PRCD: variants seen among roughly 807,000 people sequenced by gnomAD.
PRCD encodes the protein photoreceptor disk component PRCD.
A neutral mutation model predicts 10.1 loss-of-function variants in PRCD; 12 were observed. The observed-to-expected ratio is 1.18, with a 90% CI of 0.76 to 1.92. PRCD has a LOEUF of 1.92. PRCD is among the 40% of genes most tolerant of loss of function. The pLI is 0.00. For synonymous variants in PRCD, 31 were observed against 26.2 expected (o/e 1.18, Z -0.56); for missense variants, 61 against 72.2 (o/e 0.84, Z 0.56).
chr17:76,527,643 T>G (rs1394351449), upstream of PRCD: 1 of 453,680 alleles, frequency 2.2e-6, no homozygotes, highest in African/African-American at 2.0e-5. Context: ...CCCTCGGCCC[T>G]CGGAGCTGAG....
rs1321016773 is a variant in PRCD at position 76,530,670 on chromosome 17, C to T, written n.45+2837C>T. Among the ~76,000 whole-genome samples, 5 of 152,160 alleles carry T rather than the reference C, an allele frequency of 3.3e-5. No homozygotes were observed. In the South Asian group the frequency reaches 1.0e-3, roughly 32 times the overall value. ...GGACCTTACCGCCAGGAGCCTCTGG[C>T]GCCTCTCTGCCTGGGCAGCTGTGGC... On this transcript the variant is annotated intron_variant and non_coding_transcript_variant, in intron 1 of 4. Transcript: ENST00000397633. The surrounding 1 kb of genome is among the most constrained non-coding windows in gnomAD (Gnocchi z 6.1).
At chr17:76,529,114 G>T in intron 1 of PRCD, 1 of 970,468 alleles carries the variant, frequency 1.0e-6, no homozygotes, top group Non-Finnish European at 1.2e-6. Context: ...AAACAGTGGC[G>T]CCTGGCCCAC....
At position 76,544,815 on chromosome 17, in the gene PRCD, C is replaced by T; in HGVS notation, c.*1165C>T. On this transcript the variant is annotated 3_prime_UTR_variant, in exon 5 of 5. Coordinates refer to ENST00000592014, the MANE Select transcript of PRCD (RefSeq NM_001077620.3). ...CATTTCCGAGTTGCTCATCTCCTTC[C>T]ACTGGTCTGAGGAATTGTCAGGCCA... is the stretch of plus-strand genomic sequence containing the variant. The T allele has an allele frequency of 2.2e-6, 1 of 456,820 alleles. No individual in the cohort carries two copies. The highest frequency in any genetic ancestry group is 4.4e-6 in the Non-Finnish European group (1 of 226,990). The allele number at this position is 456,820 out of a possible 1,614,324, so 28.3% of individuals were successfully genotyped here.
chr17:76,535,257 C>A (rs2074902507), upstream of PRCD, among the ~76,000 whole-genome samples: 1 of 152,150 alleles, frequency 6.6e-6, no homozygotes, highest in African/African-American at 2.4e-5. Context: ...AGGGTGCTGG[C>A]CTGGCGCAGT....
Position 76,528,571 on chromosome 17 carries a change from A to AG in PRCD, n.45+742dup, listed in dbSNP as rs2074794135. On this transcript the variant is annotated intron_variant and non_coding_transcript_variant, in intron 1 of 4. Coordinates refer to the PRCD transcript ENST00000397633. The surrounding 1 kb of genome is among the most constrained non-coding windows in gnomAD (Gnocchi z 5.8). Reference sequence around the variant, plus strand: ...TGCTGCCAGGGAGGGGGGTGGAGTTAGGGGTCCTACGGCCCCGAAGAGGGC... The same window carrying AG: ...TGCTGCCAGGGAGGGGGGTGGAGTTAGGGGGTCCTACGGCCCCGAAGAGGGC... 8.0e-7 allele frequency: 1 copy of AG among 1,243,908 alleles called. No individual in the cohort carries two copies. The highest frequency in any genetic ancestry group is 3.6e-5 in the East Asian group (1 of 27,664). The allele number at this position is 1,243,908 out of a possible 1,614,324, so 77.1% of individuals were successfully genotyped here. A position where few individuals can be genotyped will look rare whatever the true frequency, so the allele number is the denominator to read the frequency against.
Position 76,541,201 on chromosome 17 carries a change from G to A in PRCD, c.143+628G>A, listed in dbSNP as rs1029812916. Among the ~76,000 whole-genome samples, 52 of 152,290 alleles carry A rather than the reference G, an allele frequency of 3.4e-4. 1 individual carries two copies. Among genetic ancestry groups the A allele is most frequent in the Non-Finnish European group, 2.9e-5 (2 of 68,018 alleles). On this transcript the variant is annotated intron_variant, in intron 2 of 4. Transcript: ENST00000592014. The stretch of plus-strand genomic sequence containing the variant: ...TGACCAGTGTCGTTCGATGATAGGG[G>A]CGCCTATCCCAACCAAACACTGGAA...
chr17:76,531,626 A>G lies in PRCD; in HGVS notation n.45+3793A>G. ...CAGCTGGGGGCTCCGCTCCATCTCCAGGGGATCCTCCATGTGCTTGAACTG... is the reference window on the plus strand; with the variant it reads ...CAGCTGGGGGCTCCGCTCCATCTCCGGGGGATCCTCCATGTGCTTGAACTG... On this transcript the variant is annotated intron_variant and non_coding_transcript_variant, in intron 1 of 4. Coordinates refer to the PRCD transcript ENST00000397633. This position sits in a 1 kb window ranked among gnomAD's most constrained non-coding sequence, Gnocchi z 7.4. 4.3e-6 allele frequency: 7 copies of G among 1,613,028 alleles called. No individual in the cohort carries two copies. Among genetic ancestry groups the G allele is most frequent in the Non-Finnish European group, 5.1e-6 (6 of 1,179,060 alleles).
Position 76,540,244 on chromosome 17 carries a change from G to GGTT in PRCD, c.74+31_74+33dup, listed in dbSNP as rs2143140777. ...AGAAACTGACCGGGCTATGGCTGGC[G>GGTT]GTTGGTCGGGGGGGGGGGGCATGGG... On this transcript the variant is annotated intron_variant, in intron 1 of 4. Coordinates refer to ENST00000592014, the MANE Select transcript of PRCD (RefSeq NM_001077620.3). The surrounding 1 kb of genome is among the most constrained non-coding windows in gnomAD (Gnocchi z 5.0). 1 of 1,437,546 alleles carries GGTT rather than the reference G, an allele frequency of 7.0e-7. No homozygotes were observed. Among genetic ancestry groups the GGTT allele is most frequent in the Non-Finnish European group, 9.5e-7 (1 of 1,056,130 alleles). The allele number at this position is 1,437,546 out of a possible 1,614,324, so 89.0% of individuals were successfully genotyped here. A position where few individuals can be genotyped will look rare whatever the true frequency, so the allele number is the denominator to read the frequency against.
chr17:76,537,713 T>TGC, upstream of PRCD: 1 of 379,434 alleles, frequency 2.6e-6, no homozygotes, highest in Non-Finnish European at 3.6e-6. Flanking sequence ...TGTGTGTGTG[T>TGC]GTGCGTGCGT....
upstream of PRCD, chr17:76,537,495 G>A: frequency 1.3e-6 from 2 of 1,583,162 alleles, no homozygotes; most frequent in Non-Finnish European, 1.7e-6. Context: ...ACAGCTCCTC[G>A]CTCCGCTCCC....
In PRCD at chr17:76,530,305, A is replaced by C. The variant is rs1216722926; in HGVS notation, n.45+2472A>C. On this transcript the variant is annotated intron_variant and non_coding_transcript_variant, in intron 1 of 4. Transcript: ENST00000397633. This position sits in a 1 kb window ranked among gnomAD's most constrained non-coding sequence, Gnocchi z 6.1. ...TTCCCAACCGCCACATCTGGGGGCT[A>C]GCCCTCCCCTCACGCTCCGAGTCAG... Among the ~76,000 whole-genome samples the C allele has an allele frequency of 6.6e-6, 1 of 151,890 alleles. No individual in the cohort carries two copies. Among genetic ancestry groups the C allele is most frequent in the Non-Finnish European group, 1.5e-5 (1 of 67,930 alleles).
downstream of PRCD, among the ~76,000 whole-genome samples, chr17:76,547,791 T>C (rs921259667): frequency 1.4e-5 from 2 of 142,572 alleles, no homozygotes; most frequent in African/African-American, 5.3e-5. Context: ...CACACAGACA[T>C]ACACACATTC....
intron 1 of PRCD, chr17:76,550,857 C>T (rs752049): frequency 0.23 from 34,944 of 152,158 alleles, 4,174 homozygotes; most frequent in South Asian, 0.38. Flanking sequence ...TTATCAAGTG[C>T]TTACCTTGCG....
chr17:76,543,554 A>G (rs2075016931), intron 4 of PRCD, among the ~76,000 whole-genome samples: 1 of 152,224 alleles, frequency 6.6e-6, no homozygotes, highest in Non-Finnish European at 1.5e-5. Context: ...AATTTGCCCA[A>G]CATCACCTAG....
chr17:76,552,029 T>C (rs1442700776), intron 1 of PRCD: 1 of 152,110 alleles, frequency 6.6e-6, no homozygotes, highest in Non-Finnish European at 1.5e-5. Context: ...GCTGTTATGA[T>C]TTCCGGAAGG....
In PRCD at chr17:76,544,550, T is replaced by C. The variant is rs764953862; in HGVS notation, c.*900T>C. 2.2e-6 allele frequency: 1 copy of C among 456,536 alleles called. No individual in the cohort carries two copies. The highest frequency in any genetic ancestry group is 1.5e-5 in the South Asian group (1 of 64,558). The allele number at this position is 456,536 out of a possible 1,614,324, so 28.3% of individuals were successfully genotyped here. On this transcript the variant is annotated 3_prime_UTR_variant, in exon 5 of 5. Transcript: ENST00000592014. ...GCAGGAGGCAGGGGGAAAGTCACACTAGGGAAGGAGCCTGCAGAGGCAAAG... is the reference window on the plus strand; with the variant it reads ...GCAGGAGGCAGGGGGAAAGTCACACCAGGGAAGGAGCCTGCAGAGGCAAAG...
chr17:76,529,598 G>A, intron 1 of PRCD: 1 of 985,438 alleles, frequency 1.0e-6, no homozygotes, highest in Non-Finnish European at 1.2e-6. Flanking sequence ...CTTGTGTCCT[G>A]GCTGTAAACA....
chr17:76,537,564 G>A (rs544590988), upstream of PRCD: 129 of 1,318,942 alleles, frequency 9.8e-5, no homozygotes, highest in South Asian at 2.8e-3. Flanking sequence ...AGCCCAGCCC[G>A]GCTTTGCTCG....
rs200645008 is a variant in PRCD, at chr17:76,540,229, C to A, written c.74+14C>A. ...CCGAGTCCAACCGTGAGAAACTGAC[C>A]GGGCTATGGCTGGCGGTTGGTCGGG... On this transcript the variant is annotated intron_variant, in intron 1 of 4. Transcript: ENST00000592014. The surrounding 1 kb of genome is among the most constrained non-coding windows in gnomAD (Gnocchi z 5.0). 6 of 780,146 alleles carry A rather than the reference C, an allele frequency of 7.7e-6. No individual in the cohort carries two copies. Among genetic ancestry groups the A allele is most frequent in the East Asian group, 5.5e-5 (1 of 18,336 alleles). The allele number at this position is 780,146 out of a possible 1,614,324, so 48.3% of individuals were successfully genotyped here.
Sources: allele counts gnomAD v4.1 joint callset (sites outside exome capture counted in the v4.1 genomes callset), GRCh38; gene constraint gnomAD v4.1.1; non-coding constraint Gnocchi (gnomAD v3.1); transcripts MANE v1.5; gene names NCBI Gene and HGNC (gene_info 2026-07-23, HGNC 2026-07-21).